The following PLIN2 variants were observed in gnomAD, a reference collection of about 807,000 sequenced individuals.
PLIN2 encodes the protein perilipin-2.
In PLIN2, 33 loss-of-function variants were observed where a neutral mutation model predicts 30.6. The ratio of observed to expected loss-of-function variants is 1.08; its 90% confidence interval spans 0.82 to 1.44. The LOEUF is 1.44. Among genes scored for constraint, PLIN2 ranks in the 40% most tolerant of loss-of-function variants. The probability of loss-of-function intolerance (pLI) is 0.00; values close to 1 mark genes in which losing one functional copy is unlikely to be tolerated. For synonymous variants in PLIN2, 205 were observed against 201.1 expected, an observed-to-expected ratio of 1.02 and a Z score of -0.16; for missense variants, 610 against 531.8, an observed-to-expected ratio of 1.15 and a Z score of -1.45.
At chr9:19,118,521 T>A (rs953101462) in intron 6 of PLIN2, 66 bp from the exon 7 acceptor site, 13 of 1,448,448 alleles carry the variant, frequency 9.0e-6, no homozygotes, top group Non-Finnish European at 1.2e-5. Flanking sequence ...TGTTTGCAGA[T>A]GTATGATGTA....
chr9:19,111,358 A>G (rs978664012), downstream of PLIN2, among the ~76,000 whole-genome samples: 5 of 152,174 alleles, frequency 3.3e-5, no homozygotes, highest in African/African-American at 1.2e-4. Context: ...AATTTTTACA[A>G]TTAAAGATGT....
At chr9:19,109,683 A>G (rs1205713047) in intron 2 of PLIN2, among the ~76,000 whole-genome samples, 5 of 150,170 alleles carry the variant, frequency 3.3e-5, no homozygotes, top group Admixed American at 1.3e-4. Context: ...AATCCCTCAA[A>G]AAGACCAGGT....
At chr9:19,119,431 C>T (rs1818278561) in intron 6 of PLIN2, among the ~76,000 whole-genome samples, 2 of 152,206 alleles carry the variant, frequency 1.3e-5, no homozygotes, top group South Asian at 4.1e-4. Context: ...AGAGAGATGT[C>T]AGTATTTGAC....
chr9:19,126,300 T>G lies in PLIN2; in HGVS notation c.40A>C (p.Thr14Pro), dbSNP rs752904982. 6.2e-7 allele frequency: 1 copy of G among 1,613,650 alleles called. No homozygotes were observed. The highest frequency in any genetic ancestry group is 1.7e-5 in the Admixed American group (1 of 60,000). ...VAVDPQPSVV[T>P]RVVNLPLVSS... ...ACCAAGGGCAGGTTGACCACCCGAG[T>G]CACCACACTCTGCAATCAAAGTAGG... The change falls in exon 3 of 8, where the codon ACT becomes CCT. Residue 14 changes from threonine (T) to proline (P), a missense_variant. By Grantham distance (38) the Thr-to-Pro change is conservative (BLOSUM62 -1). Coordinates refer to ENST00000276914, the MANE Select transcript of PLIN2 (RefSeq NM_001122.4).
At chr9:19,118,268 G>A (rs1246042362) in intron 7 of PLIN2, 53 bp downstream of exon 7, 6 of 1,512,248 alleles carry the variant, frequency 4.0e-6, no homozygotes, top group Non-Finnish European at 4.5e-6. Flanking sequence ...GAAATGAAAA[G>A]TCTGATAAGA....
At chr9:19,116,710 T>C (rs886422592) in intron 7 of PLIN2, 61 bp from the exon 8 acceptor site, 7 of 1,440,452 alleles carry the variant, frequency 4.9e-6, no homozygotes, top group Middle Eastern at 1.8e-4. Flanking sequence ...ATTAGTTCGA[T>C]GACAGTAGGC....
At chr9:19,122,663 C>T (rs545477959) in intron 4 of PLIN2, among the ~76,000 whole-genome samples, 1 of 151,986 alleles carries the variant, frequency 6.6e-6, no homozygotes, top group Admixed American at 6.6e-5. Flanking sequence ...TCCCTAACCC[C>T]CGGGCCATGG....
At chr9:19,120,754 G>C (rs10963971) in intron 5 of PLIN2, 126 bp downstream of exon 5, 1 of 727,206 alleles carries the variant, frequency 1.4e-6, no homozygotes, top group Non-Finnish European at 2.3e-6. Flanking sequence ...GAAGTGTTCT[G>C]AAACTGGATT....
chr9:19,119,860 C>G (rs757408700), intron 5 of PLIN2, 29 bp from the exon 6 acceptor site: 2 of 1,468,186 alleles, frequency 1.4e-6, no homozygotes, highest in Admixed American at 3.9e-5. Context: ...GACAAAAAAA[C>G]TTAAGGGATC....
chr9:19,110,198 TG>T (rs1301628017), intron 2 of PLIN2, among the ~76,000 whole-genome samples: 1 of 151,884 alleles, frequency 6.6e-6, no homozygotes, highest in African/African-American at 2.4e-5. Context: ...GGCTAATTTT[TG>T]TATTTTTTAG....
rs1210136702 is a variant in PLIN2, at chr9:19,125,919, T to TC, written c.226+194dup. On this transcript the variant is annotated intron_variant, in intron 3 of 7. Coordinates refer to ENST00000276914, the MANE Select transcript of PLIN2 (RefSeq NM_001122.4). ...GCCTGAGTGATAGAGTGAGACTCCA[T>TC]CTCAAAAAAAAAAAAAAAGGAAAGA... 6.7e-6 allele frequency: 3 copies of TC among 446,698 alleles called. No homozygotes were observed. The African/African-American group carries it at 7.9e-5, about 12-fold the overall frequency. The allele number at this position is 446,698 out of a possible 1,614,324, so 27.7% of individuals were successfully genotyped here. A position where few individuals can be genotyped will look rare whatever the true frequency, so the allele number is the denominator to read the frequency against.
At chr9:19,123,267 C>T in intron 4 of PLIN2, 1 of 1,225,892 alleles carries the variant, frequency 8.2e-7, no homozygotes, top group Non-Finnish European at 1.1e-6. Context: ...TATTTAATAC[C>T]ACAAGACAAT....
downstream of PLIN2, among the ~76,000 whole-genome samples, chr9:19,112,419 A>C (rs1419501669): frequency 3.3e-5 from 5 of 152,168 alleles, no homozygotes; most frequent in Non-Finnish European, 1.5e-5. Context: ...GCAAGATGTG[A>C]GAACACAGGC....
At chr9:19,120,806 G>T in intron 5 of PLIN2, 74 bp downstream of exon 5, 2 of 1,177,550 alleles carry the variant, frequency 1.7e-6, no homozygotes, top group South Asian at 1.3e-5. Flanking sequence ...GACTCAAGAT[G>T]AGAGTATATG....
intron 3 of PLIN2, 107 bp downstream of exon 3, chr9:19,126,007 G>T (rs1018852536): frequency 1.7e-5 from 14 of 818,258 alleles, no homozygotes; most frequent in Admixed American, 1.4e-4. Flanking sequence ...GGTAAAGGCA[G>T]TGTATGCCCC....
chr9:19,118,394 T>G lies in PLIN2; in HGVS notation c.839A>C (p.Lys280Thr), dbSNP rs200263665. 6.8e-6 allele frequency: 11 copies of G among 1,612,444 alleles called. No individual in the cohort carries two copies. Among genetic ancestry groups the G allele is most frequent in the African/African-American group, 1.3e-5 (1 of 75,008 alleles). Residue 280 changes from lysine (K) to threonine (T), a missense_variant, in exon 7 of 8, where the codon AAG becomes ACG. Coordinates refer to ENST00000276914, the MANE Select transcript of PLIN2 (RefSeq NM_001122.4). ...CCACTCTACCCATGAGAGGTAGAGC[T>G]TATCCTGAGCATCCTGAATTTTCTG... is the stretch of plus-strand genomic sequence containing the variant. ...ANQKIQDAQD[K>T]LYLSWVEWKR...
At chr9:19,118,613 G>T (rs551570252) in intron 6 of PLIN2, among the ~76,000 whole-genome samples, 158 bp from the exon 7 acceptor site, 5 of 152,298 alleles carry the variant, frequency 3.3e-5, no homozygotes, top group Middle Eastern at 6.8e-3. Flanking sequence ...TTATCAATAT[G>T]TGTAAATTAA....
intron 3 of PLIN2, among the ~76,000 whole-genome samples, chr9:19,123,862 T>G (rs1358644045): frequency 6.6e-6 from 1 of 151,664 alleles, no homozygotes; most frequent in Non-Finnish European, 1.5e-5. Context: ...CTACTAAAAA[T>G]ACAAAAATTA....
Position 19,126,136 on chromosome 9 carries a change from G to T in PLIN2, c.204C>A (p.Ile68=). ...CACTTTGCGGCTCTAGCTTCTGGAT[G>T]ATGGGCAGAGCACTGGTCATGGCCA... ...TSVAMTSALP[I]IQKLEPQIAV... The change falls in exon 3 of 8, where the codon ATC becomes ATA. Residue 68 remains isoleucine (I), a synonymous_variant. Coordinates refer to ENST00000276914, the MANE Select transcript of PLIN2 (RefSeq NM_001122.4). 6.2e-7 allele frequency: 1 copy of T among 1,613,990 alleles called. No homozygotes were observed.
Sources: gnomAD v4.1 joint callset for allele counts (sites outside exome capture counted in the v4.1 genomes callset) on GRCh38, gnomAD v4.1.1 for gene constraint, MANE v1.5 for transcripts, NCBI Gene and HGNC (gene_info 2026-07-23, HGNC 2026-07-21) for gene names.